The following TRIM9 variants were observed in gnomAD, a reference collection of about 807,000 sequenced individuals.
TRIM9 encodes the protein E3 ubiquitin-protein ligase TRIM9.
Under a neutral mutation model 78.3 loss-of-function variants are expected in TRIM9, and 26 were observed. The ratio of observed to expected loss-of-function variants is 0.33; its 90% confidence interval spans 0.24 to 0.46. The LOEUF is 0.46. TRIM9 is among the 20% of genes least tolerant of loss of function. The pLI, the probability that TRIM9 is intolerant of heterozygous loss-of-function variation, is 1.00. For missense variants in TRIM9, 787 were observed against 1,036.4 expected (o/e 0.76, Z 3.30); for synonymous variants, 398 against 416.5 (o/e 0.96, Z 0.54).
At chr14:51,048,009 G>A (rs1250142053) in intron 1 of TRIM9, among the ~76,000 whole-genome samples, 1 of 151,112 alleles carries the variant, frequency 6.6e-6, no homozygotes, top group Non-Finnish European at 1.5e-5. Flanking sequence ...CATAGTAAAT[G>A]CCCTCCTTTA....
chr14:51,089,555 C>T (rs1174367436), intron 1 of TRIM9, among the ~76,000 whole-genome samples: 1 of 152,168 alleles, frequency 6.6e-6, no homozygotes, highest in East Asian at 1.9e-4. Context: ...ACAATTTCTG[C>T]TACTTCAAAC....
intron 1 of TRIM9, among the ~76,000 whole-genome samples, chr14:51,063,441 A>T (rs1183787510): frequency 2.0e-5 from 3 of 151,580 alleles, no homozygotes; most frequent in African/African-American, 4.9e-5. Flanking sequence ...AAGAGATGGT[A>T]GTAAAAATGC....
At chr14:50,998,658 T>A (rs1177365148) in intron 6 of TRIM9, among the ~76,000 whole-genome samples, 14 of 152,166 alleles carry the variant, frequency 9.2e-5, no homozygotes, top group Admixed American at 9.2e-4. Flanking sequence ...TATCCTATGT[T>A]TAGAACTCCG....
At chr14:50,991,175 T>G (rs183877061) in intron 7 of TRIM9, among the ~76,000 whole-genome samples, 4 of 152,314 alleles carry the variant, frequency 2.6e-5, no homozygotes, top group African/African-American at 7.2e-5. Context: ...TCAGAGGAAC[T>G]GAAAATTCCT....
chr14:51,004,640 T>C (rs2055522608), intron 5 of TRIM9, among the ~76,000 whole-genome samples: 1 of 152,206 alleles, frequency 6.6e-6, no homozygotes, highest in African/African-American at 2.4e-5. Flanking sequence ...AGGTATTCAC[T>C]CATTTAATTT....
intron 1 of TRIM9, among the ~76,000 whole-genome samples, chr14:51,026,956 A>G (rs2058286244): frequency 6.6e-6 from 1 of 152,180 alleles, no homozygotes; most frequent in Admixed American, 6.5e-5. Context: ...AAATGCTGCC[A>G]GTTACTGGCT....
intron 1 of TRIM9, among the ~76,000 whole-genome samples, chr14:51,053,159 C>CAAAA: frequency 7.5e-6 from 1 of 133,534 alleles, no homozygotes; most frequent in Non-Finnish European, 1.6e-5. Context: ...GACCCTGTTT[C>CAAAA]AAAAAAAAAA....
chr14:51,077,829 T>A (rs2062943582), intron 1 of TRIM9, among the ~76,000 whole-genome samples: 1 of 152,212 alleles, frequency 6.6e-6, no homozygotes, highest in African/African-American at 2.4e-5. Flanking sequence ...ATACCTTGGT[T>A]TCAATACATT....
intron 3 of TRIM9, among the ~76,000 whole-genome samples, chr14:51,015,505 C>CTTTTTTTTTTTTTTTTTTTTTTTTTT (rs369652663): frequency 4.9e-5 from 3 of 61,326 alleles, no homozygotes; most frequent in Admixed American, 2.2e-4. Context: ...CTTTACTTTT[C>CTTTTTTTTTTTTTTTTTTTTTTTTTT]TTTTTTTTTT....
chr14:50,979,541 C>T lies in TRIM9; in HGVS notation c.2171G>A (p.Gly724Glu), dbSNP rs1046089753. Reference sequence around the variant, plus strand: ...AATTGTGGCCCCTTTTGTGATCCCTCCCTCAGTTCTGTAGGAAAAGAGAAA... The same window carrying T: ...AATTGTGGCCCCTTTTGTGATCCCTTCCTCAGTTCTGTAGGAAAAGAGAAA... ...HNNSHTNRTE[G>E]GITKGATIGV... Residue 724 changes from glycine (G) to glutamate (E), a missense_variant, in exon 12 of 13, where the codon GGA becomes GAA. Physicochemically the swap from Gly to Glu is moderately conservative, Grantham distance 98. Transcript: ENST00000684578. 2 of 1,613,584 alleles carry T rather than the reference C, an allele frequency of 1.2e-6. No individual in the cohort carries two copies. The highest frequency in any genetic ancestry group is 1.3e-5 in the African/African-American group (1 of 74,810).
chr14:51,004,910 A>G (rs1214740035), intron 5 of TRIM9, among the ~76,000 whole-genome samples: 1 of 152,180 alleles, frequency 6.6e-6, no homozygotes, highest in Non-Finnish European at 1.5e-5. Context: ...AACAATAAAG[A>G]TTCCCCAAAT....
chr14:50,994,749 T>A (rs1284511053), intron 7 of TRIM9, among the ~76,000 whole-genome samples: 1 of 152,238 alleles, frequency 6.6e-6, no homozygotes, highest in Non-Finnish European at 1.5e-5. Context: ...TTGCAGATGG[T>A]TTCAAAGACT....
chr14:50,998,826 G>A (rs911194467), intron 6 of TRIM9, among the ~76,000 whole-genome samples: 1 of 152,202 alleles, frequency 6.6e-6, no homozygotes. Flanking sequence ...TTTAGCATAG[G>A]TTAGGCATTT....
chr14:51,053,612 T>C (rs2060642820), intron 1 of TRIM9, among the ~76,000 whole-genome samples: 1 of 145,958 alleles, frequency 6.9e-6, no homozygotes, highest in African/African-American at 2.6e-5. Context: ...TTTTTTTTAT[T>C]ATACTCTAAG....
At chr14:51,065,569 A>C (rs186368143) in intron 1 of TRIM9, among the ~76,000 whole-genome samples, 236 of 152,322 alleles carry the variant, frequency 1.5e-3, no homozygotes, top group Non-Finnish European at 2.8e-3. Flanking sequence ...GTAAGGACAC[A>C]CATTTTTGCC....
intron 12 of TRIM9, among the ~76,000 whole-genome samples, chr14:50,977,936 CT>C (rs2051277229): frequency 6.6e-6 from 1 of 152,024 alleles, no homozygotes; most frequent in Non-Finnish European, 1.5e-5. Context: ...GCCCAAGAGT[CT>C]TTATCAATAG....
intron 3 of TRIM9, among the ~76,000 whole-genome samples, chr14:51,011,230 G>A (rs2056539254): frequency 6.6e-6 from 1 of 152,238 alleles, no homozygotes; most frequent in Non-Finnish European, 1.5e-5. Flanking sequence ...CTCTGAGCAA[G>A]CGGTTTCTGC....
At chr14:50,997,270 A>G (rs2054333999) in intron 7 of TRIM9, 1 of 985,414 alleles carries the variant, frequency 1.0e-6, no homozygotes, top group African/African-American at 1.7e-5. Flanking sequence ...CAAGCCTCTC[A>G]TCTGAGACAC....
chr14:51,094,370 G>A lies in TRIM9; in HGVS notation c.570C>T (p.Cys190=), dbSNP rs772860244. 1.2e-6 allele frequency: 2 copies of A among 1,613,602 alleles called. No homozygotes were observed. The highest frequency in any genetic ancestry group is 2.2e-5 in the East Asian group (1 of 44,892). Residue 190 remains cysteine (C), a synonymous_variant, in exon 1 of 13, where the codon TGC becomes TGT. Transcript: ENST00000684578. ...GGTGGCAGCGCAGGCGGCACGGATC[G>A]CAGTAGAAGACATCGCACTGTTCGC... The part of the protein sequence containing the change: ...VMCEQCDVFY[C]DPCRLRCHPP...
Sources: gnomAD v4.1 joint callset for allele counts (sites outside exome capture counted in the v4.1 genomes callset) on GRCh38, gnomAD v4.1.1 for gene constraint, MANE v1.5 for transcripts, NCBI Gene and HGNC (gene_info 2026-07-23, HGNC 2026-07-21) for gene names.